The following MICU3 variants were observed in gnomAD, a reference collection of about 807,000 sequenced individuals.
MICU3 encodes the protein calcium uptake protein 3, mitochondrial.
A neutral mutation model predicts 66.5 loss-of-function variants in MICU3; 62 were observed. The ratio of observed to expected loss-of-function variants is 0.93; its 90% CI spans 0.76 to 1.15. The LOEUF (loss-of-function observed/expected upper bound fraction) is 1.15. Among genes scored for constraint, MICU3 ranks in the 50% most tolerant of loss-of-function variants. The pLI is 0.00. For missense variants in MICU3, 779 were observed against 664.4 expected, an observed-to-expected ratio of 1.17 and a Z score of -1.90; for synonymous variants, 308 against 240.7, an observed-to-expected ratio of 1.28 and a Z score of -2.59.
intron 8 of MICU3, among the ~76,000 whole-genome samples, chr8:17,093,128 C>G (rs1033653877): frequency 6.6e-6 from 1 of 151,962 alleles, no homozygotes; most frequent in Admixed American, 6.6e-5. Flanking sequence ...GAGCTGTTAC[C>G]TTATAACCTT....
At chr8:17,054,215 A>G (rs1185067103) in intron 1 of MICU3, among the ~76,000 whole-genome samples, 3 of 152,228 alleles carry the variant, frequency 2.0e-5, no homozygotes, top group Admixed American at 1.3e-4. Flanking sequence ...GAATATTCCC[A>G]TATGAAGCCA....
chr8:17,062,400 A>G (rs1237925993), intron 1 of MICU3, among the ~76,000 whole-genome samples: 1 of 151,998 alleles, frequency 6.6e-6, no homozygotes, highest in Non-Finnish European at 1.5e-5. Context: ...CACAACTTCC[A>G]TTTCTTATGC....
At position 17,087,040 on chromosome 8, in the gene MICU3, G is replaced by A; in HGVS notation, c.849+5G>A. ...GAAGAAAAGCGTGCAATGCTGGTAA[G>A]AATACTTTATAGTAGCTTTAGGTGG... On this transcript the variant is annotated splice_donor_5th_base_variant and intron_variant, in intron 7 of 14. Transcript: ENST00000318063. 1 of 1,590,404 alleles carries A rather than the reference G, an allele frequency of 6.3e-7. No homozygotes were observed. The highest frequency in any genetic ancestry group is 8.6e-7 in the Non-Finnish European group (1 of 1,160,458).
intron 5 of MICU3, among the ~76,000 whole-genome samples, chr8:17,084,652 C>T (rs1034061502): frequency 6.6e-6 from 1 of 152,066 alleles, no homozygotes. Context: ...TTATAAGGTT[C>T]ATGAAATTGA....
chr8:17,070,650 TAAA>T (rs574169621), intron 3 of MICU3, among the ~76,000 whole-genome samples: 24,329 of 136,336 alleles, frequency 0.18, 2,454 homozygotes, highest in Admixed American at 0.25. Flanking sequence ...TTTTTTTTTT[TAAA>T]AAAAAGAATA....
chr8:17,029,064 G>T (rs1482262363), intron 1 of MICU3, among the ~76,000 whole-genome samples: 4 of 152,234 alleles, frequency 2.6e-5, no homozygotes, highest in Non-Finnish European at 2.9e-5. Flanking sequence ...TACTTGACCT[G>T]TCAATGCCTG....
intron 9 of MICU3, among the ~76,000 whole-genome samples, chr8:17,099,617 T>G (rs754652568): frequency 6.6e-6 from 1 of 151,874 alleles, no homozygotes. Context: ...AATTACCTTT[T>G]AAAATTACCT....
intron 1 of MICU3, among the ~76,000 whole-genome samples, chr8:17,032,882 C>T (rs1203171114): frequency 2.6e-5 from 4 of 152,098 alleles, no homozygotes; most frequent in Admixed American, 6.5e-5. Flanking sequence ...CAGACTTTTT[C>T]GTTATTATTT....
intron 1 of MICU3, among the ~76,000 whole-genome samples, chr8:17,029,562 C>G (rs1429956994): frequency 6.6e-6 from 1 of 152,090 alleles, no homozygotes; most frequent in Non-Finnish European, 1.5e-5. Flanking sequence ...AATTTCTGTT[C>G]ATTGTTTTAG....
At chr8:17,040,727 A>G (rs981305097) in intron 1 of MICU3, among the ~76,000 whole-genome samples, 1 of 152,206 alleles carries the variant, frequency 6.6e-6, no homozygotes, top group Admixed American at 6.5e-5. Context: ...TCTTATTTTT[A>G]TATAGTGGCA....
chr8:17,114,369 T>G (rs1802491198), intron 12 of MICU3, among the ~76,000 whole-genome samples, 168 bp downstream of exon 12: 1 of 152,112 alleles, frequency 6.6e-6, no homozygotes, highest in Non-Finnish European at 1.5e-5. Context: ...AAAACAGCCA[T>G]GAGGGAAGAA....
the MICU3 span, chr8:17,132,739 C>T: frequency 6.6e-6 from 1 of 152,324 alleles, no homozygotes; most frequent in African/African-American, 2.4e-5. Flanking sequence ...AATGGCAGAG[C>T]TCAAAGATGC....
intron 1 of MICU3, among the ~76,000 whole-genome samples, chr8:17,053,383 C>G (rs142542593): frequency 1.8e-3 from 277 of 152,154 alleles, no homozygotes; most frequent in African/African-American, 6.3e-3. Context: ...GAATTGCTGA[C>G]CTGAAGTAAC....
intron 1 of MICU3, among the ~76,000 whole-genome samples, chr8:17,038,116 G>A (rs189720890): frequency 1.5e-3 from 232 of 152,264 alleles, no homozygotes; most frequent in African/African-American, 5.2e-3. Context: ...ATACTGAAAT[G>A]AGTTAAGACT....
chr8:17,112,552 C>CA (rs1240176439), intron 11 of MICU3, among the ~76,000 whole-genome samples: 1 of 152,136 alleles, frequency 6.6e-6, no homozygotes, highest in African/African-American at 2.4e-5. Flanking sequence ...TTTCTAAACA[C>CA]AAAGTGTTTA....
chr8:17,105,455 C>T lies in MICU3; in HGVS notation c.1128C>T (p.Phe376=). ...NLQTEVLEIE[F]LSYSNGMNTI... is the part of the protein sequence containing the mutation. ...AAACAGAAGTTCTAGAAATAGAATT[C>T]CTTTCCTACTCAAATGGAATGAATA... The change falls in exon 11 of 15, where the codon TTC becomes TTT. Residue 376 remains phenylalanine (F), a synonymous_variant. Coordinates refer to ENST00000318063, the MANE Select transcript of MICU3 (RefSeq NM_181723.3). 6.4e-7 allele frequency: 1 copy of T among 1,570,514 alleles called. No homozygotes were observed. Among genetic ancestry groups the T allele is most frequent in the Non-Finnish European group, 8.7e-7 (1 of 1,155,100 alleles).
intron 1 of MICU3, among the ~76,000 whole-genome samples, chr8:17,034,585 G>T (rs1812660935): frequency 6.6e-6 from 1 of 152,216 alleles, no homozygotes; most frequent in Admixed American, 6.5e-5. Context: ...AGAGGTAAAA[G>T]TATCAACATT....
chr8:17,057,109 A>G (rs897204228), intron 1 of MICU3, among the ~76,000 whole-genome samples: 13 of 152,226 alleles, frequency 8.5e-5, no homozygotes, highest in African/African-American at 3.1e-4. Flanking sequence ...GAATGTGTTG[A>G]TAACTAGCAG....
intron 3 of MICU3, 104 bp from the exon 4 acceptor site, chr8:17,077,679 G>C (rs1820580491): frequency 1.4e-6 from 1 of 714,056 alleles, no homozygotes; most frequent in Non-Finnish European, 2.4e-6. Flanking sequence ...CCATGTTTCA[G>C]GTCTTTTAAG....
Sources: gnomAD v4.1 joint callset for allele counts (sites outside exome capture counted in the v4.1 genomes callset) on GRCh38, gnomAD v4.1.1 for gene constraint, MANE v1.5 for transcripts, NCBI Gene and HGNC (gene_info 2026-07-23, HGNC 2026-07-21) for gene names.